Variants in EGFR observed in about 807,000 individuals in gnomAD.
EGFR encodes avian erythroblastic leukemia viral (v-erb-b) oncogene homolog.
Under a neutral mutation model 143.0 loss-of-function variants are expected in EGFR, and 58 were observed. The observed-to-expected ratio is 0.41, with a 90% confidence interval of 0.33 to 0.50. The LOEUF (loss-of-function observed/expected upper bound fraction) is 0.50, where lower values mean the gene tolerates loss of function less well. Ranked by LOEUF, EGFR falls within the 20% of genes least tolerant of loss-of-function variation. The pLI, the probability that EGFR is intolerant of heterozygous loss-of-function variation, is 0.39. For missense variants in EGFR, 1,307 were observed against 1,579.0 expected, an observed-to-expected ratio of 0.83 and a Z score of 2.92; for synonymous variants, 613 against 594.4, an observed-to-expected ratio of 1.03 and a Z score of -0.45.
intron 15 of EGFR, chr7:55,170,638 C>T (rs1371622609): frequency 4.4e-6 from 7 of 1,600,314 alleles, no homozygotes; most frequent in Non-Finnish European, 5.9e-6. Flanking sequence ...CTACCCATTT[C>T]CTTCCTTCCA....
chr7:55,093,835 C>T (rs1257285828), intron 1 of EGFR, among the ~76,000 whole-genome samples: 1 of 152,160 alleles, frequency 6.6e-6, no homozygotes, highest in Non-Finnish European at 1.5e-5. Context: ...GTGTGGCTGC[C>T]TGAATCATGC....
At chr7:55,202,896 AC>A (rs758125813) in intron 27 of EGFR, 7 of 649,330 alleles carry the variant, frequency 1.1e-5, no homozygotes, top group African/African-American at 1.8e-5. Context: ...TCACGGACAT[AC>A]ACATCTGTGT....
chr7:55,091,560 G>C (rs1354017823), intron 1 of EGFR, among the ~76,000 whole-genome samples: 6 of 152,182 alleles, frequency 3.9e-5, no homozygotes, highest in Non-Finnish European at 8.8e-5. Flanking sequence ...ACCTTCCAGA[G>C]AGTAAGGCCA....
intron 1 of EGFR, among the ~76,000 whole-genome samples, chr7:55,135,662 C>A (rs1249539922): frequency 6.6e-6 from 1 of 152,132 alleles, no homozygotes; most frequent in East Asian, 1.9e-4. Context: ...GGTTTAACCA[C>A]TTATTTCATT....
intron 8 of EGFR, 80 bp from the exon 9 acceptor site, chr7:55,156,453 G>T (rs1785423031): frequency 1.3e-6 from 2 of 1,597,020 alleles, no homozygotes; most frequent in Non-Finnish European, 1.7e-6. Context: ...ATTCCTTCCT[G>T]CTTCCCTCTG....
At chr7:55,177,855 G>A (rs1008061267) in intron 19 of EGFR, among the ~76,000 whole-genome samples, 6 of 152,216 alleles carry the variant, frequency 3.9e-5, no homozygotes, top group African/African-American at 1.2e-4. Context: ...TGTAGGTCAC[G>A]GTGCACGTTT....
At chr7:55,191,146 G>A (rs896901126) in intron 20 of EGFR, among the ~76,000 whole-genome samples, 1 of 152,136 alleles carries the variant, frequency 6.6e-6, no homozygotes, top group African/African-American at 2.4e-5. Context: ...CAGGGAGGTG[G>A]GGAGGGTGGT....
chr7:55,050,732 T>C (rs1788441189), intron 1 of EGFR, among the ~76,000 whole-genome samples: 1 of 152,224 alleles, frequency 6.6e-6, no homozygotes, highest in African/African-American at 2.4e-5. Flanking sequence ...GCCATAGCCC[T>C]CTGCCTCTGT....
At chr7:55,137,454 A>G (rs1794208325) in intron 1 of EGFR, among the ~76,000 whole-genome samples, 1 of 152,206 alleles carries the variant, frequency 6.6e-6, no homozygotes, top group South Asian at 2.1e-4. Flanking sequence ...TATACACCCC[A>G]TAATAGCAGA....
chr7:55,025,937 A>G (rs1220434099), intron 1 of EGFR, among the ~76,000 whole-genome samples: 1 of 152,202 alleles, frequency 6.6e-6, no homozygotes, highest in Non-Finnish European at 1.5e-5. Flanking sequence ...ACCACATCAC[A>G]TTACTTGGTT....
At position 55,205,388 on chromosome 7, in the gene EGFR, AC is replaced by A; in HGVS notation, c.3408del (p.Glu1137SerfsTer62). 1 of 1,613,914 alleles carries A rather than the reference AC, an allele frequency of 6.2e-7. No individual in the cohort carries two copies. The highest frequency in any genetic ancestry group is 2.2e-5 in the East Asian group (1 of 44,880). On this transcript the variant is annotated frameshift_variant, in exon 28 of 28. Transcript: ENST00000275493. LOFTEE classifies it low-confidence loss of function (END_TRUNC). ...YQDPHSTAVG[N>X]PEYLNTVQPT... is the part of the protein sequence containing the mutation. ...GACCCCCACAGCACTGCAGTGGGCA[AC>A]CCCGAGTATCTCAACACTGTCCAGC...
chr7:55,065,852 A>G (rs1465316580), intron 1 of EGFR, among the ~76,000 whole-genome samples: 1 of 113,310 alleles, frequency 8.8e-6, no homozygotes, highest in African/African-American at 3.6e-5. Context: ...TTTTTTTGCC[A>G]AGTGAAGCTG....
intron 19 of EGFR, chr7:55,181,080 C>T: frequency 3.2e-6 from 2 of 628,910 alleles, no homozygotes; most frequent in Admixed American, 2.7e-5. Context: ...CCCAGATGCA[C>T]CCAGGAGGGG....
In EGFR at chr7:55,205,709, G is replaced by A. The variant is rs1030033309; in HGVS notation, c.*92G>A. On this transcript the variant is annotated 3_prime_UTR_variant, in exon 28 of 28. Coordinates refer to ENST00000275493, the MANE Select transcript of EGFR (RefSeq NM_005228.5). ...GTCCTCCATCCCAACAGCCATGCCCGCATTAGCTCTTAGACCCACAGACTG... is the reference window on the plus strand; with the variant it reads ...GTCCTCCATCCCAACAGCCATGCCCACATTAGCTCTTAGACCCACAGACTG... 67 of 1,599,592 alleles carry A rather than the reference G, an allele frequency of 4.2e-5. No individual in the cohort carries two copies. The highest frequency in any genetic ancestry group is 5.0e-5 in the Non-Finnish European group (58 of 1,170,418).
At chr7:55,104,235 A>T (rs1028628289) in intron 1 of EGFR, among the ~76,000 whole-genome samples, 1 of 152,216 alleles carries the variant, frequency 6.6e-6, no homozygotes, top group Non-Finnish European at 1.5e-5. Flanking sequence ...ATTGCAGGCA[A>T]TTCAGTGAGG....
rs372841990 is a variant in EGFR, at chr7:55,073,806, G to A, written c.88+54441G>A. Among the ~76,000 whole-genome samples, 15 of 152,174 alleles carry A rather than the reference G, an allele frequency of 9.9e-5. No individual in the cohort carries two copies. The East Asian group carries it at 1.5e-3, about 16-fold the overall frequency. On this transcript the variant is annotated intron_variant, in intron 1 of 27. Transcript: ENST00000275493. The stretch of plus-strand genomic sequence containing the variant: ...GCGTTAAGGAAAACAGAAAACCAGC[G>A]TGCTATTTGTTCTGTCCCTTAGTCA...
chr7:55,028,005 TATATATATATATATATATATAC>T (rs1562650583), intron 1 of EGFR, among the ~76,000 whole-genome samples: 6 of 112,134 alleles, frequency 5.4e-5, no homozygotes, highest in Admixed American at 1.7e-4. Context: ...TATATATATA[TATATATATATATATATATATAC>T]ACACACACAC....
intron 1 of EGFR, among the ~76,000 whole-genome samples, chr7:55,055,357 A>G (rs1042833813): frequency 6.6e-6 from 1 of 152,108 alleles, no homozygotes; most frequent in Non-Finnish European, 1.5e-5. Context: ...CCAGTTGGTA[A>G]TGCATAGCTA....
intron 1 of EGFR, among the ~76,000 whole-genome samples, chr7:55,128,461 G>A (rs553220473): frequency 9.2e-5 from 14 of 152,292 alleles, no homozygotes; most frequent in Middle Eastern, 6.8e-3. Flanking sequence ...TGAAAGAAGA[G>A]AATCACAAAA....
Sources: allele counts gnomAD v4.1 joint callset (sites outside exome capture counted in the v4.1 genomes callset), GRCh38; gene constraint gnomAD v4.1.1; transcripts MANE v1.5; gene names NCBI Gene and HGNC (gene_info 2026-07-23, HGNC 2026-07-21).